Variants in ARL15 observed in about 807,000 individuals in gnomAD.
ARL15 encodes the protein ARF like GTPase 15.
ARL15 carries 19 observed loss-of-function variants against 25.2 expected under a neutral mutation model. That is an observed-to-expected ratio of 0.75 (90% CI 0.53 to 1.10). The LOEUF (loss-of-function observed/expected upper bound fraction) is 1.10, where lower values mean the gene tolerates loss of function less well. ARL15 is among the 50% of genes least tolerant of loss of function. The pLI, the probability that ARL15 is intolerant of heterozygous loss-of-function variation, is 0.00. For synonymous variants in ARL15, 94 were observed against 86.8 expected (o/e 1.08, Z -0.46); for missense variants, 220 against 246.0 (o/e 0.89, Z 0.71).
intron 4 of ARL15, among the ~76,000 whole-genome samples, chr5:53,899,886 GTCC>G (rs1250393732): frequency 6.6e-6 from 1 of 152,190 alleles, no homozygotes; most frequent in Non-Finnish European, 1.5e-5. Flanking sequence ...GGACAGAAGA[GTCC>G]TCCTTACTTT....
chr5:54,146,776 A>C (rs1344765033), intron 3 of ARL15, among the ~76,000 whole-genome samples: 1 of 152,180 alleles, frequency 6.6e-6, no homozygotes, highest in Non-Finnish European at 1.5e-5. Context: ...AAAAGGCCAG[A>C]AAAATCATTT....
At chr5:53,942,518 C>T (rs1030689619) in intron 4 of ARL15, among the ~76,000 whole-genome samples, 1 of 150,834 alleles carries the variant, frequency 6.6e-6, no homozygotes, top group African/African-American at 2.4e-5. Flanking sequence ...GAGGCCGAGG[C>T]AGGTGGATCA....
chr5:54,070,403 A>C (rs974077899), intron 4 of ARL15, among the ~76,000 whole-genome samples: 16 of 151,624 alleles, frequency 1.1e-4, no homozygotes, highest in Admixed American at 5.9e-4. Context: ...AAAAAAAAAA[A>C]GTTGGTTTGG....
intron 4 of ARL15, among the ~76,000 whole-genome samples, chr5:53,936,115 A>T (rs950589987): frequency 2.0e-5 from 3 of 152,158 alleles, no homozygotes; most frequent in African/African-American, 7.2e-5. Context: ...TTTATGAAAG[A>T]CTTAGTTTTC....
At chr5:53,921,659 C>T (rs1745864359) in intron 4 of ARL15, among the ~76,000 whole-genome samples, 1 of 152,134 alleles carries the variant, frequency 6.6e-6, no homozygotes, top group Admixed American at 6.5e-5. Flanking sequence ...GTAGTCCCAG[C>T]TACTTGGGAG....
intron 1 of ARL15, among the ~76,000 whole-genome samples, chr5:54,295,604 G>A (rs1171122535): frequency 6.6e-6 from 1 of 151,910 alleles, no homozygotes; most frequent in East Asian, 1.9e-4. Context: ...GAAAAAGTAT[G>A]TTACACTGAA....
chr5:54,066,696 C>T (rs1040837434), intron 4 of ARL15, among the ~76,000 whole-genome samples: 2 of 152,044 alleles, frequency 1.3e-5, no homozygotes, highest in Non-Finnish European at 2.9e-5. Context: ...TTCTAAACAT[C>T]CTACAACGCA....
intron 4 of ARL15, among the ~76,000 whole-genome samples, chr5:53,972,868 C>T (rs1747797097): frequency 6.6e-6 from 1 of 152,164 alleles, no homozygotes; most frequent in Non-Finnish European, 1.5e-5. Flanking sequence ...CTGTCTCTTG[C>T]CTTCTGTTAC....
At chr5:54,169,559 T>C (rs1245990122) in intron 2 of ARL15, among the ~76,000 whole-genome samples, 3 of 152,216 alleles carry the variant, frequency 2.0e-5, no homozygotes, top group East Asian at 3.8e-4. Context: ...AGGGCTGTTA[T>C]AAGGCTAACA....
In ARL15 at chr5:54,171,852, C is replaced by A; in HGVS notation, c.125G>T (p.Gly42Val). Residue 42 changes from glycine (G) to valine (V), a missense_variant, in exon 2 of 5, where the codon GGT becomes GTT. Physicochemically the swap from Gly to Val is moderately radical, Grantham distance 109. Coordinates refer to ENST00000504924, the MANE Select transcript of ARL15 (RefSeq NM_019087.3). ...EYDLVCIGLT[G>V]SGKTSLLSKL... ...GGACAACAGACTGGTTTTGCCAGAA[C>A]CTGTGAGGCCTATGCAAACCAGGTC... The A allele has an allele frequency of 6.2e-7, 1 of 1,613,590 alleles. No individual in the cohort carries two copies. The highest frequency in any genetic ancestry group is 8.5e-7 in the Non-Finnish European group (1 of 1,179,736).
At chr5:53,980,647 T>C (rs1256627413) in intron 4 of ARL15, among the ~76,000 whole-genome samples, 1 of 152,212 alleles carries the variant, frequency 6.6e-6, no homozygotes, top group Non-Finnish European at 1.5e-5. Flanking sequence ...AGCTAAGAAC[T>C]GAGGACTGTG....
chr5:53,955,188 C>T (rs1747106076), intron 4 of ARL15, among the ~76,000 whole-genome samples: 1 of 151,458 alleles, frequency 6.6e-6, no homozygotes, highest in South Asian at 2.1e-4. Flanking sequence ...ACTCTACACC[C>T]TTCCATTCAA....
At chr5:53,951,031 C>T (rs968806511) in intron 4 of ARL15, among the ~76,000 whole-genome samples, 1 of 152,196 alleles carries the variant, frequency 6.6e-6, no homozygotes, top group Non-Finnish European at 1.5e-5. Context: ...ATGGTTTTCA[C>T]AGTTTTAAAT....
intron 4 of ARL15, among the ~76,000 whole-genome samples, chr5:54,049,298 T>C (rs879867489): frequency 6.6e-6 from 1 of 151,764 alleles, no homozygotes; most frequent in Non-Finnish European, 1.5e-5. Flanking sequence ...AGTGGCATGA[T>C]CATAGCTCAA....
chr5:54,044,820 T>G (rs763149963), intron 4 of ARL15, among the ~76,000 whole-genome samples: 12 of 152,232 alleles, frequency 7.9e-5, no homozygotes, highest in Non-Finnish European at 1.6e-4. Context: ...AACAAAACTT[T>G]GACAATTTCA....
chr5:54,060,804 T>C (rs1189390723), intron 4 of ARL15, among the ~76,000 whole-genome samples: 2 of 152,156 alleles, frequency 1.3e-5, no homozygotes, highest in East Asian at 3.9e-4. Flanking sequence ...ACTTTGAACT[T>C]GAGAGAGATG....
At chr5:53,988,691 C>T (rs1370288421) in intron 4 of ARL15, among the ~76,000 whole-genome samples, 3 of 152,106 alleles carry the variant, frequency 2.0e-5, no homozygotes, top group Non-Finnish European at 4.4e-5. Flanking sequence ...TAATGGTAGA[C>T]TGTAGCAAGA....
intron 4 of ARL15, among the ~76,000 whole-genome samples, chr5:53,967,563 A>G (rs1747604648): frequency 6.6e-6 from 1 of 152,106 alleles, no homozygotes; most frequent in African/African-American, 2.4e-5. Context: ...CTCTGAGAAA[A>G]TAAGAAGAGT....
chr5:54,306,220 C>T (rs1237711549), intron 1 of ARL15, among the ~76,000 whole-genome samples: 1 of 152,152 alleles, frequency 6.6e-6, no homozygotes, highest in African/African-American at 2.4e-5. Flanking sequence ...ATTTTCGTAG[C>T]TTTTAAAAGA....
Sources: gnomAD v4.1 joint callset for allele counts (sites outside exome capture counted in the v4.1 genomes callset) on GRCh38, gnomAD v4.1.1 for gene constraint, MANE v1.5 for transcripts, NCBI Gene and HGNC (gene_info 2026-07-23, HGNC 2026-07-21) for gene names.